FUT8: variants seen among roughly 807,000 people sequenced by gnomAD.
The protein encoded by FUT8 is alpha-(1,6)-fucosyltransferase.
A neutral mutation model predicts 71.3 loss-of-function variants in FUT8; 29 were observed. The ratio of observed to expected loss-of-function variants is 0.41; its 90% CI spans 0.30 to 0.55. The LOEUF is 0.55. Among genes scored for constraint, FUT8 ranks in the 20% least tolerant of loss-of-function variants. The probability of loss-of-function intolerance (pLI) is 0.34; values close to 1 mark genes in which losing one functional copy is unlikely to be tolerated. For synonymous variants in FUT8, 254 were observed against 239.3 expected (o/e 1.06, Z -0.57); for missense variants, 544 against 702.1 (o/e 0.77, Z 2.55).
At position 65,724,338 on chromosome 14, in the gene FUT8, C is replaced by T. The variant is rs1216816918; in HGVS notation, c.1259+15C>T. The T allele has an allele frequency of 6.5e-7, 1 of 1,536,410 alleles. No individual in the cohort carries two copies. Among genetic ancestry groups the T allele is most frequent in the Non-Finnish European group, 8.9e-7 (1 of 1,124,768 alleles). On this transcript the variant is annotated intron_variant, in intron 9 of 10. Coordinates refer to ENST00000673929, the MANE Select transcript of FUT8 (RefSeq NM_001371533.1). ...GCAAAAACAAAGTAAGTTAGACCAA[C>T]TAGTGATTCTAGAGTGGGGTTGTCT...
intron 9 of FUT8, among the ~76,000 whole-genome samples, chr14:65,727,903 A>G (rs1895765222): frequency 6.6e-6 from 1 of 152,182 alleles, no homozygotes; most frequent in Non-Finnish European, 1.5e-5. Flanking sequence ...GATACCCTAA[A>G]TCATCTCTCT....
intron 2 of FUT8, among the ~76,000 whole-genome samples, chr14:65,526,171 C>G (rs1447779073): frequency 6.6e-6 from 1 of 152,138 alleles, no homozygotes; most frequent in Non-Finnish European, 1.5e-5. Context: ...GTGTTAAAGT[C>G]TCCCATTATT....
intron 2 of FUT8, among the ~76,000 whole-genome samples, chr14:65,479,045 A>G (rs1279614537): frequency 6.6e-6 from 1 of 152,220 alleles, no homozygotes; most frequent in Non-Finnish European, 1.5e-5. Flanking sequence ...TTTTGGTTAG[A>G]CAAGATGATG....
At chr14:65,474,732 AC>A (rs1382370430) in intron 2 of FUT8, among the ~76,000 whole-genome samples, 1 of 152,222 alleles carries the variant, frequency 6.6e-6, no homozygotes, top group African/African-American at 2.4e-5. Context: ...TTGAAAAATA[AC>A]CATCTTTCTC....
chr14:65,532,434 C>G (rs891133573), intron 2 of FUT8, among the ~76,000 whole-genome samples: 1 of 151,866 alleles, frequency 6.6e-6, no homozygotes, highest in Non-Finnish European at 1.5e-5. Context: ...GTATATATGT[C>G]TTCTTTGGAA....
chr14:65,457,640 G>A (rs1380159122), intron 2 of FUT8, among the ~76,000 whole-genome samples: 7 of 152,162 alleles, frequency 4.6e-5, no homozygotes, highest in African/African-American at 1.7e-4. Flanking sequence ...GATTTCACAT[G>A]AAAGGGTTGT....
At chr14:65,570,852 T>G (rs1198386486) in intron 3 of FUT8, among the ~76,000 whole-genome samples, 3 of 152,122 alleles carry the variant, frequency 2.0e-5, no homozygotes, top group East Asian at 3.8e-4. Flanking sequence ...AAAACCTGAC[T>G]TAGGAGTATG....
At position 65,607,587 on chromosome 14, in the gene FUT8, A is replaced by T. The variant is rs936258668; in HGVS notation, c.204-8391A>T. Among the ~76,000 whole-genome samples the T allele has an allele frequency of 3.3e-5, 5 of 151,852 alleles. No homozygotes were observed. Among genetic ancestry groups the T allele is most frequent in the Admixed American group, 6.6e-5 (1 of 15,202 alleles). The stretch of plus-strand genomic sequence containing the variant: ...AATATATTGCTGTATTTACTAATGG[A>T]TCATTTGGGAGTTTGAAAATAAGCT... On this transcript the variant is annotated intron_variant, in intron 3 of 10. Coordinates refer to ENST00000673929, the MANE Select transcript of FUT8 (RefSeq NM_001371533.1). This position sits in a 1 kb window ranked among gnomAD's most constrained non-coding sequence, Gnocchi z 4.1.
At chr14:65,695,979 TTA>T (rs1000058746) in intron 7 of FUT8, among the ~76,000 whole-genome samples, 5 of 152,106 alleles carry the variant, frequency 3.3e-5, no homozygotes, top group African/African-American at 1.2e-4. Flanking sequence ...TCAAATAACT[TTA>T]TATATCCCTT....
At chr14:65,454,284 A>G (rs1437395468) in intron 1 of FUT8, among the ~76,000 whole-genome samples, 1 of 152,146 alleles carries the variant, frequency 6.6e-6, no homozygotes, top group Non-Finnish European at 1.5e-5. Context: ...CTTTGGGAGT[A>G]GTTGACTATG....
chr14:65,380,815 T>G, the FUT8 span, among the ~76,000 whole-genome samples: 1 of 152,254 alleles, frequency 6.6e-6, no homozygotes, highest in Non-Finnish European at 1.5e-5. Context: ...GGAAAGTGTT[T>G]CGCAGAGAAA....
In FUT8 at chr14:65,742,600, C is replaced by G. The variant is rs1896559866; in HGVS notation, c.*190C>G. On this transcript the variant is annotated 3_prime_UTR_variant, in exon 11 of 11. Transcript: ENST00000673929. ...TGGTGGAATTCCTCTTTAACAAGGGCTGCAATGCCCTCATACCCATGCACA... is the reference window on the plus strand; with the variant it reads ...TGGTGGAATTCCTCTTTAACAAGGGGTGCAATGCCCTCATACCCATGCACA... 1 of 588,028 alleles carries G rather than the reference C, an allele frequency of 1.7e-6. No individual in the cohort carries two copies. Among genetic ancestry groups the G allele is most frequent in the Non-Finnish European group, 3.0e-6 (1 of 331,154 alleles). The allele number at this position is 588,028 out of a possible 1,614,324, so 36.4% of individuals were successfully genotyped here.
At chr14:65,687,859 A>C (rs1394855330) in intron 7 of FUT8, among the ~76,000 whole-genome samples, 1 of 148,524 alleles carries the variant, frequency 6.7e-6, no homozygotes, top group Non-Finnish European at 1.5e-5. Flanking sequence ...TCAACCACCG[A>C]GTAGCTGGGA....
At chr14:65,404,536 C>T in the FUT8 span, among the ~76,000 whole-genome samples, 14 of 150,858 alleles carry the variant, frequency 9.3e-5, no homozygotes, top group East Asian at 3.9e-4. Flanking sequence ...AGTGCAGTGG[C>T]GCAATCTCAG....
At position 65,652,144 on chromosome 14, in the gene FUT8, C is replaced by T. The variant is rs764054847; in HGVS notation, c.598-17099C>T. On this transcript the variant is annotated intron_variant, in intron 6 of 10. Transcript: ENST00000673929. This position sits in a 1 kb window ranked among gnomAD's most constrained non-coding sequence, Gnocchi z 4.0. ...AGCCTCCAGAAGAAGCCAACCCTGC[C>T]AACACCTTGATTTTGGACTTCTGGC... 9.9e-5 allele frequency among the ~76,000 whole-genome samples: 15 copies of T among 152,148 alleles called. No individual in the cohort carries two copies. Among genetic ancestry groups the T allele is most frequent in the Non-Finnish European group, 1.8e-4 (12 of 68,026 alleles).
chr14:65,540,936 A>T (rs1272300685), intron 2 of FUT8, among the ~76,000 whole-genome samples: 1 of 152,224 alleles, frequency 6.6e-6, no homozygotes, highest in Admixed American at 6.5e-5. Context: ...TCACATTTTG[A>T]TGGATATTGG....
At chr14:65,674,186 A>G (rs937495449) in intron 7 of FUT8, among the ~76,000 whole-genome samples, 27 of 152,290 alleles carry the variant, frequency 1.8e-4, no homozygotes, top group African/African-American at 5.5e-4. Context: ...AGTCTTTGAT[A>G]ATTGTATTAA....
At chr14:65,474,457 A>AAAAAAAAAAAAAAAAAAAAAAAAAAG (rs2066202414) in intron 2 of FUT8, among the ~76,000 whole-genome samples, 3 of 147,900 alleles carry the variant, frequency 2.0e-5, no homozygotes, top group Admixed American at 6.8e-5. Context: ...AAAAAAAAAA[A>AAAAAAAAAAAAAAAAAAAAAAAAAAG]GCCAGGCGTG....
chr14:65,522,616 G>A (rs1022493308), intron 2 of FUT8, among the ~76,000 whole-genome samples: 17 of 152,100 alleles, frequency 1.1e-4, no homozygotes, highest in East Asian at 3.9e-4. Flanking sequence ...GTACATGTGC[G>A]CGACGTGCAG....
Sources: allele counts gnomAD v4.1 joint callset (sites outside exome capture counted in the v4.1 genomes callset), GRCh38; gene constraint gnomAD v4.1.1; non-coding constraint Gnocchi (gnomAD v3.1); transcripts MANE v1.5; gene names NCBI Gene and HGNC (gene_info 2026-07-23, HGNC 2026-07-21).